Variants in LINGO2 observed in about 807,000 individuals in gnomAD.
LINGO2 encodes the protein leucine-rich repeat and immunoglobulin-like domain-containing nogo receptor-interacting protein 2.
LINGO2 carries 14 observed loss-of-function variants against 30.6 expected under a neutral mutation model. That is an observed-to-expected ratio of 0.46 (90% CI 0.30 to 0.72). The LOEUF is 0.72. Ranked by LOEUF, LINGO2 falls within the 30% of genes least tolerant of loss-of-function variation. LINGO2 has a pLI of 0.07. For missense variants in LINGO2, 729 were observed against 751.7 expected, an observed-to-expected ratio of 0.97 and a Z score of 0.35; for synonymous variants, 317 against 288.5, an observed-to-expected ratio of 1.10 and a Z score of -1.00.
At chr9:28,132,010 T>G (rs924023928) in intron 4 of LINGO2, among the ~76,000 whole-genome samples, 5 of 152,294 alleles carry the variant, frequency 3.3e-5, no homozygotes, top group African/African-American at 4.8e-5. Context: ...CCAGCTATGC[T>G]CTTGGGTGGA....
At chr9:28,277,368 G>A (rs1823152319) in intron 4 of LINGO2, among the ~76,000 whole-genome samples, 1 of 152,098 alleles carries the variant, frequency 6.6e-6, no homozygotes, top group Admixed American at 6.6e-5. Context: ...TTGACTAGCA[G>A]TTCCTTATCT....
chr9:28,062,413 A>G (rs895028256), intron 4 of LINGO2, among the ~76,000 whole-genome samples: 1 of 145,820 alleles, frequency 6.9e-6, no homozygotes, highest in Non-Finnish European at 1.5e-5. Context: ...CATATATACT[A>G]TATATGTGTA....
At chr9:28,318,725 G>A (rs553918120) in intron 3 of LINGO2, among the ~76,000 whole-genome samples, 102 of 152,268 alleles carry the variant, frequency 6.7e-4, no homozygotes, top group Admixed American at 3.9e-3. Flanking sequence ...TCCCACAAAA[G>A]AGATCCCTAT....
chr9:28,645,655 A>T (rs1827804982), intron 1 of LINGO2, among the ~76,000 whole-genome samples: 1 of 152,112 alleles, frequency 6.6e-6, no homozygotes, highest in Admixed American at 6.6e-5. Flanking sequence ...AAAAAATAAG[A>T]CAAGTAATTG....
intron 1 of LINGO2, among the ~76,000 whole-genome samples, chr9:28,555,032 CA>C (rs1822568165): frequency 7.2e-6 from 1 of 138,896 alleles, no homozygotes; most frequent in Middle Eastern, 3.3e-3. Flanking sequence ...TAAATGCCCA[CA>C]AGAGAAAGCA....
At chr9:29,191,424 T>C in the LINGO2 span, among the ~76,000 whole-genome samples, 1 of 152,134 alleles carries the variant, frequency 6.6e-6, no homozygotes, top group Admixed American at 6.5e-5. Context: ...TTAGTCATAA[T>C]ATACATATAC....
intron 1 of LINGO2, among the ~76,000 whole-genome samples, chr9:28,507,247 G>A (rs951083483): frequency 4.2e-4 from 57 of 136,842 alleles, no homozygotes; most frequent in Middle Eastern, 7.2e-3. Context: ...GCGTGCGTGC[G>A]CACATGTGTG....
chr9:27,951,833 A>G (rs1819329490), intron 5 of LINGO2, among the ~76,000 whole-genome samples: 1 of 151,996 alleles, frequency 6.6e-6, no homozygotes, highest in African/African-American at 2.4e-5. Context: ...TTAGTAAAAA[A>G]ATAATTATCC....
At chr9:28,533,802 A>G (rs983046506) in intron 1 of LINGO2, among the ~76,000 whole-genome samples, 1 of 152,178 alleles carries the variant, frequency 6.6e-6, no homozygotes, top group African/African-American at 2.4e-5. Flanking sequence ...GAATTAAAAG[A>G]CATTCATGAA....
chr9:28,858,315 T>C, the LINGO2 span, among the ~76,000 whole-genome samples: 1 of 152,038 alleles, frequency 6.6e-6, no homozygotes, highest in East Asian at 1.9e-4. Context: ...AGATGAACAT[T>C]TAAGAATCAC....
chr9:28,351,795 A>C (rs62555423), intron 3 of LINGO2, among the ~76,000 whole-genome samples: 28,393 of 151,788 alleles, frequency 0.19, 2,926 homozygotes, highest in Middle Eastern at 0.39. Context: ...CAAGAAGCTT[A>C]TCCACCATGA....
At chr9:29,080,133 G>A in the LINGO2 span, among the ~76,000 whole-genome samples, 1 of 151,972 alleles carries the variant, frequency 6.6e-6, no homozygotes, top group Non-Finnish European at 1.5e-5. Context: ...CCTGTTTTTG[G>A]TCTACTCAGG....
chr9:29,156,205 A>T, the LINGO2 span, among the ~76,000 whole-genome samples: 2 of 152,120 alleles, frequency 1.3e-5, no homozygotes, highest in Non-Finnish European at 2.9e-5. Context: ...TAATTGTAAA[A>T]CCACAACACA....
chr9:28,324,381 C>T (rs10968507), intron 3 of LINGO2, among the ~76,000 whole-genome samples: 28,089 of 152,046 alleles, frequency 0.18, 2,754 homozygotes, highest in East Asian at 0.31. Context: ...AAGAGCAACT[C>T]CATCTTGAAT....
At chr9:28,245,910 A>T (rs1171082445) in intron 4 of LINGO2, among the ~76,000 whole-genome samples, 2 of 152,170 alleles carry the variant, frequency 1.3e-5, no homozygotes, top group African/African-American at 2.4e-5. Context: ...TCAAACTACC[A>T]TTAACATTCT....
chr9:28,683,660 G>C, the LINGO2 span, among the ~76,000 whole-genome samples: 1 of 152,072 alleles, frequency 6.6e-6, no homozygotes, highest in African/African-American at 2.4e-5. Context: ...TTTGTTTTCA[G>C]AATGAAATGT....
intron 5 of LINGO2, among the ~76,000 whole-genome samples, chr9:27,957,024 G>T (rs1819604825): frequency 6.6e-6 from 1 of 152,168 alleles, no homozygotes; most frequent in African/African-American, 2.4e-5. Flanking sequence ...GAGCTGAGGA[G>T]TTCGAAGCTG....
At chr9:28,672,089 A>T (rs769476196), upstream of LINGO2, among the ~76,000 whole-genome samples, 10 of 152,100 alleles carry the variant, frequency 6.6e-5, no homozygotes, top group Admixed American at 4.6e-4. Flanking sequence ...AACATGTCCT[A>T]TTAGGTTCTG....
the LINGO2 span, among the ~76,000 whole-genome samples, chr9:28,737,795 G>T: frequency 6.6e-6 from 1 of 151,906 alleles, no homozygotes; most frequent in African/African-American, 2.4e-5. Context: ...AATAAAATTA[G>T]TTAAGTAAGA....
Sources: allele counts gnomAD v4.1 joint callset (sites outside exome capture counted in the v4.1 genomes callset), GRCh38; gene constraint gnomAD v4.1.1; transcripts MANE v1.5; gene names NCBI Gene and HGNC (gene_info 2026-07-23, HGNC 2026-07-21).